DMD: variants seen among roughly 807,000 people sequenced by gnomAD.
DMD encodes the protein dystrophin.
In DMD, 63 loss-of-function variants were observed where a neutral mutation model predicts 330.1. That is an observed-to-expected ratio of 0.19 (90% CI 0.16 to 0.24). The LOEUF (loss-of-function observed/expected upper bound fraction) is 0.24, where lower values mean the gene tolerates loss of function less well. Among genes scored for constraint, DMD ranks in the 10% least tolerant of loss-of-function variants. The pLI is 1.00. For synonymous variants in DMD, 1,223 were observed against 959.8 expected (o/e 1.27, Z -5.07); for missense variants, 3,344 against 2,684.1 (o/e 1.25, Z -5.43).
intron 1 of DMD, among the ~76,000 whole-genome samples, chrX:33,306,421 T>C (rs929840137): frequency 4.5e-5 from 5 of 111,611 alleles, no homozygotes; most frequent in African/African-American, 1.6e-4. Context: ...CGTATGGTCA[T>C]AGTAGAGCTG....
chrX:33,284,542 A>G (rs1313615275), intron 1 of DMD, among the ~76,000 whole-genome samples: 1 of 107,953 alleles, frequency 9.3e-6, no homozygotes, highest in Non-Finnish European at 1.9e-5. Context: ...GCTTTTTATC[A>G]TGGCTTACAC....
At chrX:32,364,108 A>C (rs2097846320) in intron 36 of DMD, among the ~76,000 whole-genome samples, 1 of 112,142 alleles carries the variant, frequency 8.9e-6, no homozygotes, top group South Asian at 3.7e-4. Context: ...CATGTAGTTA[A>C]AAATGAAAAC....
intron 59 of DMD, among the ~76,000 whole-genome samples, chrX:31,449,433 T>G (rs1227556483): frequency 9.0e-6 from 1 of 110,964 alleles, no homozygotes; most frequent in Non-Finnish European, 1.9e-5. Context: ...CAGTGTTGCA[T>G]GTAAGCATGG....
chrX:32,424,991 T>C (rs868330449), intron 29 of DMD, among the ~76,000 whole-genome samples: 2 of 111,485 alleles, frequency 1.8e-5, no homozygotes, highest in Non-Finnish European at 3.8e-5. Context: ...TGATTTTCTA[T>C]GCGGCTGTAT....
intron 76 of DMD, among the ~76,000 whole-genome samples, chrX:31,137,649 C>T (rs1206247267): frequency 9.1e-6 from 1 of 109,951 alleles, no homozygotes; most frequent in African/African-American, 3.3e-5. Context: ...GAAGATATAG[C>T]AATAAGCAAA....
rs750175070 is a variant in DMD, at chrX:31,968,333, C to T, written c.6614+6G>A. ...GTTTTCATTCCTATTAGATCTGTCG[C>T]CCTACCTCTTTTTTCTGTCTGACAG... On this transcript the variant is annotated splice_donor_region_variant and intron_variant, in intron 45 of 78. Coordinates refer to ENST00000357033, the MANE Select transcript of DMD (RefSeq NM_004006.3). 3 of 1,208,024 alleles carry T rather than the reference C, an allele frequency of 2.5e-6. No homozygotes were observed. In the East Asian group the frequency reaches 8.9e-5, roughly 36 times the overall value.
intron 44 of DMD, among the ~76,000 whole-genome samples, chrX:32,033,599 CAGACAGAA>C (rs1218474098): frequency 9.1e-5 from 3 of 33,130 alleles, no homozygotes; most frequent in Middle Eastern, 0.012. Flanking sequence ...GACAGACAGA[CAGACAGAA>C]AGAAAGAAAG....
At chrX:32,156,078 T>A (rs1273723703) in intron 44 of DMD, among the ~76,000 whole-genome samples, 1 of 111,320 alleles carries the variant, frequency 9.0e-6, no homozygotes, top group Non-Finnish European at 1.9e-5. Flanking sequence ...GTGCTATTCA[T>A]TCACTGAGCA....
intron 2 of DMD, among the ~76,000 whole-genome samples, chrX:33,010,066 AT>A (rs2093649319): frequency 3.3e-5 from 2 of 60,921 alleles, no homozygotes; most frequent in Non-Finnish European, 3.1e-5. Context: ...ACGTGTATAT[AT>A]ACACAAATGT....
intron 1 of DMD, among the ~76,000 whole-genome samples, chrX:33,309,123 T>C (rs1030163819): frequency 1.8e-5 from 2 of 111,694 alleles, no homozygotes. Flanking sequence ...TTTTAATATT[T>C]ATATGTTCTT....
At chrX:32,958,085 C>G (rs2091693666) in intron 2 of DMD, among the ~76,000 whole-genome samples, 1 of 111,607 alleles carries the variant, frequency 9.0e-6, no homozygotes, top group African/African-American at 3.2e-5. Context: ...AGCAATTATA[C>G]TAATGTCATT....
intron 1 of DMD, among the ~76,000 whole-genome samples, chrX:33,101,255 T>C (rs763349022): frequency 1.4e-4 from 16 of 112,253 alleles, no homozygotes; most frequent in Non-Finnish European, 2.3e-4. Context: ...TTCTGCCACC[T>C]AGGAGCTGTA....
chrX:31,904,995 A>G (rs749529831), intron 47 of DMD, among the ~76,000 whole-genome samples: 1 of 111,916 alleles, frequency 8.9e-6, no homozygotes, highest in South Asian at 3.7e-4. Context: ...GGAGTATTGC[A>G]AATATAAGAA....
At chrX:32,412,110 A>C in intron 29 of DMD, 197 bp from the exon 30 acceptor site, 1 of 1,162,214 alleles carries the variant, frequency 8.6e-7, no homozygotes, top group Non-Finnish European at 1.2e-6. Flanking sequence ...ATAGCAAACA[A>C]AACTATAGGA....
At chrX:32,071,113 C>T (rs1042559745) in intron 44 of DMD, among the ~76,000 whole-genome samples, 3 of 110,877 alleles carry the variant, frequency 2.7e-5, no homozygotes, top group African/African-American at 3.3e-5. Context: ...TGAATAGTGC[C>T]GCAATAAACA....
At chrX:32,045,382 T>C (rs2096057133) in intron 44 of DMD, among the ~76,000 whole-genome samples, 1 of 101,435 alleles carries the variant, frequency 9.9e-6, no homozygotes, top group African/African-American at 3.7e-5. Context: ...AACCTCCCCC[T>C]GGCTTCTGCT....
chrX:31,917,698 T>C (rs187149673), intron 47 of DMD, among the ~76,000 whole-genome samples: 6 of 112,603 alleles, frequency 5.3e-5, no homozygotes, highest in African/African-American at 1.3e-4. Context: ...GAATTTTTAT[T>C]TCACAGTAAT....
At chrX:31,651,918 C>T (rs2080476647) in intron 54 of DMD, among the ~76,000 whole-genome samples, 1 of 111,531 alleles carries the variant, frequency 9.0e-6, no homozygotes, top group Non-Finnish European at 1.9e-5. Flanking sequence ...TGTCACTCCT[C>T]CATTCAAAAC....
chrX:32,269,798 T>A (rs1475316), intron 43 of DMD, among the ~76,000 whole-genome samples: 1 of 110,976 alleles, frequency 9.0e-6, no homozygotes, highest in Non-Finnish European at 1.9e-5. Flanking sequence ...AAACAGGTTT[T>A]TATTTTGTTT....
Sources: gnomAD v4.1 joint callset for allele counts (sites outside exome capture counted in the v4.1 genomes callset) on GRCh38, gnomAD v4.1.1 for gene constraint, MANE v1.5 for transcripts, NCBI Gene and HGNC (gene_info 2026-07-23, HGNC 2026-07-21) for gene names.